Variants in ZFPM2 observed in about 807,000 individuals in gnomAD.
ZFPM2 encodes the protein zinc finger protein ZFPM2.
Under a neutral mutation model 98.6 loss-of-function variants are expected in ZFPM2, and 20 were observed. The observed-to-expected ratio is 0.20, with a 90% CI of 0.14 to 0.29. The LOEUF is 0.29. Ranked by LOEUF, ZFPM2 falls within the 10% of genes least tolerant of loss-of-function variation. ZFPM2 has a pLI of 1.00. For synonymous variants in ZFPM2, 518 were observed against 502.7 expected, an observed-to-expected ratio of 1.03 and a Z score of -0.41; for missense variants, 1,310 against 1,388.6, an observed-to-expected ratio of 0.94 and a Z score of 0.90.
At chr8:105,397,126 A>G (rs1357292911) in intron 1 of ZFPM2, among the ~76,000 whole-genome samples, 2 of 152,050 alleles carry the variant, frequency 1.3e-5, no homozygotes, top group East Asian at 3.9e-4. Flanking sequence ...CATTAGTTGT[A>G]TTTTTCTCAC....
At chr8:105,357,353 G>A (rs760895352) in intron 1 of ZFPM2, among the ~76,000 whole-genome samples, 1 of 152,060 alleles carries the variant, frequency 6.6e-6, no homozygotes, top group Non-Finnish European at 1.5e-5. Flanking sequence ...ATATATATTA[G>A]CTTTTTCTCC....
chr8:105,561,056 A>G (rs551284664), intron 3 of ZFPM2, among the ~76,000 whole-genome samples: 1 of 152,162 alleles, frequency 6.6e-6, no homozygotes, highest in South Asian at 2.1e-4. Flanking sequence ...TTGGCATTGG[A>G]TCAGTGCTTT....
chr8:105,505,453 A>G (rs1009690483), intron 3 of ZFPM2, among the ~76,000 whole-genome samples: 1 of 152,188 alleles, frequency 6.6e-6, no homozygotes, highest in African/African-American at 2.4e-5. Context: ...TTCACTACAT[A>G]GATACAAACT....
At chr8:105,521,543 G>A (rs559771830) in intron 3 of ZFPM2, among the ~76,000 whole-genome samples, 33 of 151,892 alleles carry the variant, frequency 2.2e-4, no homozygotes, top group Non-Finnish European at 4.0e-4. Flanking sequence ...AAAAGTTTAA[G>A]GGCAAGAATT....
chr8:105,529,754 G>A (rs1174425036), intron 3 of ZFPM2, among the ~76,000 whole-genome samples: 2 of 151,684 alleles, frequency 1.3e-5, no homozygotes, highest in African/African-American at 4.8e-5. Context: ...TTTTTGAGAT[G>A]GAGTCTTGCA....
chr8:105,454,840 A>C (rs1330015879), intron 3 of ZFPM2, among the ~76,000 whole-genome samples: 2 of 152,202 alleles, frequency 1.3e-5, no homozygotes, highest in African/African-American at 4.8e-5. Context: ...CACCCTCCAA[A>C]AGTGACTAAG....
At chr8:105,768,022 T>C (rs1228286607) in intron 5 of ZFPM2, among the ~76,000 whole-genome samples, 1 of 151,850 alleles carries the variant, frequency 6.6e-6, no homozygotes, top group Admixed American at 6.6e-5. Flanking sequence ...CAGTTAAATG[T>C]GCAATTGCAT....
At chr8:105,486,083 T>A (rs1813225762) in intron 3 of ZFPM2, among the ~76,000 whole-genome samples, 1 of 152,036 alleles carries the variant, frequency 6.6e-6, no homozygotes, top group African/African-American at 2.4e-5. Flanking sequence ...TTTTCAGAAA[T>A]GGATCTTTCT....
chr8:105,458,295 A>G lies in ZFPM2; in HGVS notation c.301+13914A>G, dbSNP rs28475599. ...AAAGAGCATATTTCATCTTAAACATACCTTTATCTTTGGGTAAATACACAA... is the reference window on the plus strand; with the variant it reads ...AAAGAGCATATTTCATCTTAAACATGCCTTTATCTTTGGGTAAATACACAA... On this transcript the variant is annotated intron_variant, in intron 3 of 7. Coordinates refer to ENST00000407775, the MANE Select transcript of ZFPM2 (RefSeq NM_012082.4). 2.7e-4 allele frequency among the ~76,000 whole-genome samples: 41 copies of G among 152,308 alleles called. 1 individual carries two copies. The highest frequency in any genetic ancestry group is 7.7e-4 in the African/African-American group (32 of 41,558).
intron 5 of ZFPM2, among the ~76,000 whole-genome samples, chr8:105,762,919 A>C (rs1358454788): frequency 5.3e-5 from 8 of 151,918 alleles, no homozygotes; most frequent in Non-Finnish European, 1.2e-4. Context: ...ATGTTAATTT[A>C]TGTATTGAAA....
intron 3 of ZFPM2, among the ~76,000 whole-genome samples, chr8:105,547,730 G>C (rs189820205): frequency 6.6e-6 from 1 of 151,978 alleles, no homozygotes; most frequent in East Asian, 1.9e-4. Flanking sequence ...AAGATGTTTT[G>C]ACAGATATAC....
intron 7 of ZFPM2, among the ~76,000 whole-genome samples, chr8:105,799,559 T>C (rs1203887375): frequency 1.3e-5 from 2 of 152,210 alleles, no homozygotes; most frequent in Non-Finnish European, 2.9e-5. Flanking sequence ...AATAAGCTTT[T>C]TAAGGCCCTC....
chr8:105,631,794 T>G (rs910462409), intron 4 of ZFPM2, among the ~76,000 whole-genome samples: 1 of 152,228 alleles, frequency 6.6e-6, no homozygotes, highest in Non-Finnish European at 1.5e-5. Context: ...GAAAATCAAT[T>G]GATTTACTTT....
intron 4 of ZFPM2, among the ~76,000 whole-genome samples, chr8:105,585,415 T>C (rs2130751667): frequency 6.6e-6 from 1 of 152,364 alleles, no homozygotes; most frequent in South Asian, 2.1e-4. Context: ...CCTTGACTTA[T>C]TATTTGTCTG....
chr8:105,770,748 A>G (rs1245250669), intron 5 of ZFPM2, among the ~76,000 whole-genome samples: 7 of 152,182 alleles, frequency 4.6e-5, no homozygotes. Flanking sequence ...GCAATAGTAA[A>G]GCATTCTAGG....
intron 5 of ZFPM2, among the ~76,000 whole-genome samples, chr8:105,655,197 T>G (rs568609284): frequency 6.6e-6 from 1 of 151,736 alleles, no homozygotes; most frequent in South Asian, 2.1e-4. Flanking sequence ...AATTATAAAG[T>G]TAAGCATTAT....
At chr8:105,364,163 T>A (rs1237831000) in intron 1 of ZFPM2, among the ~76,000 whole-genome samples, 1 of 152,078 alleles carries the variant, frequency 6.6e-6, no homozygotes, top group Non-Finnish European at 1.5e-5. Flanking sequence ...AAAATGCATG[T>A]CTTTCCTGAT....
At chr8:105,622,037 CA>C (rs1413925531) in intron 4 of ZFPM2, among the ~76,000 whole-genome samples, 2 of 150,530 alleles carry the variant, frequency 1.3e-5, no homozygotes, top group Admixed American at 6.6e-5. Context: ...TAGAGAAATC[CA>C]AAAGTAATGC....
chr8:105,801,751 T>G lies in ZFPM2; in HGVS notation c.1669T>G (p.Phe557Val). 1 of 1,613,926 alleles carries G rather than the reference T, an allele frequency of 6.2e-7. No homozygotes were observed. Reference sequence around the variant, plus strand: ...TACTTGTTTTGAGTGTAACATAACATTCAATAATTTGGATAATTATCTAGT... The same window carrying G: ...TACTTGTTTTGAGTGTAACATAACAGTCAATAATTTGGATAATTATCTAGT... ...GATCFECNIT[F>V]NNLDNYLVHK... The change falls in exon 8 of 8, where the codon TTC becomes GTC. Residue 557 changes from phenylalanine to valine, a missense_variant. Phe to Val is a conservative substitution (Grantham distance 50, BLOSUM62 -1). Transcript: ENST00000407775.
Sources: gnomAD v4.1 joint callset for allele counts (sites outside exome capture counted in the v4.1 genomes callset) on GRCh38, gnomAD v4.1.1 for gene constraint, MANE v1.5 for transcripts, NCBI Gene and HGNC (gene_info 2026-07-23, HGNC 2026-07-21) for gene names.